NWD2: variants seen among roughly 807,000 people sequenced by gnomAD.
NWD2 encodes NACHT and WD repeat domain-containing protein 2.
Under a neutral mutation model 132.7 loss-of-function variants are expected in NWD2, and 37 were observed. The observed-to-expected ratio is 0.28, with a 90% CI of 0.21 to 0.37. NWD2 has a LOEUF of 0.37. NWD2 is among the 10% of genes least tolerant of loss of function. NWD2 has a pLI of 1.00. For missense variants in NWD2, 1,592 were observed against 2,122.4 expected, an observed-to-expected ratio of 0.75 and a Z score of 4.91; for synonymous variants, 705 against 803.0, an observed-to-expected ratio of 0.88 and a Z score of 2.06.
At chr4:37,383,205 T>C (rs978206457) in intron 3 of NWD2, among the ~76,000 whole-genome samples, 5 of 152,196 alleles carry the variant, frequency 3.3e-5, no homozygotes, top group South Asian at 2.1e-4. Flanking sequence ...CTTAACTTGG[T>C]TTCTTCCCTT....
intron 1 of NWD2, among the ~76,000 whole-genome samples, chr4:37,292,714 T>C (rs28699266): frequency 0.29 from 44,525 of 151,994 alleles, 6,971 homozygotes; most frequent in South Asian, 0.43. Context: ...TTTCCATGGA[T>C]CAGGGAGTGG....
rs753543768 is a variant in NWD2 at position 37,271,320 on chromosome 4, AT to A, written c.151+26105del. ...GGGATTCCATTAAATCTGAAGTTGA[AT>A]TTAAGAATGGTTGATATCCAAATAA... On this transcript the variant is annotated intron_variant, in intron 1 of 6. Transcript: ENST00000309447. 9.2e-4 allele frequency among the ~76,000 whole-genome samples: 140 copies of A among 151,986 alleles called. 1 individual carries two copies. The highest frequency in any genetic ancestry group is 2.8e-3 in the African/African-American group (117 of 41,540).
intron 1 of NWD2, among the ~76,000 whole-genome samples, chr4:37,316,441 A>C (rs560244304): frequency 1.3e-5 from 2 of 152,098 alleles, no homozygotes; most frequent in South Asian, 4.1e-4. Flanking sequence ...CAGTTTGACT[A>C]TATGTGTCTA....
intron 1 of NWD2, among the ~76,000 whole-genome samples, chr4:37,285,398 C>G (rs551068169): frequency 6.6e-6 from 1 of 152,024 alleles, no homozygotes; most frequent in Admixed American, 6.5e-5. Context: ...GAAATTTTCT[C>G]CCGTATATTA....
Position 37,447,256 on chromosome 4 carries a change from G to T in NWD2, c.*39G>T. 7.0e-7 allele frequency: 1 copy of T among 1,438,254 alleles called. No homozygotes were observed. Among genetic ancestry groups the T allele is most frequent in the Non-Finnish European group, 9.4e-7 (1 of 1,068,342 alleles). The allele number at this position is 1,438,254 out of a possible 1,614,324, so 89.1% of individuals were successfully genotyped here. On this transcript the variant is annotated 3_prime_UTR_variant, in exon 7 of 7. Transcript: ENST00000309447. ...AGCTAAGCAGAAATATGTGATCCAC[G>T]TACAGAAGGGAAAAAAATGTGCCCC...
At chr4:37,259,051 C>A (rs1717578947) in intron 1 of NWD2, among the ~76,000 whole-genome samples, 1 of 152,128 alleles carries the variant, frequency 6.6e-6, no homozygotes, top group South Asian at 2.1e-4. Context: ...CCTGCACCTG[C>A]AAGGGGGATG....
Position 37,290,686 on chromosome 4 carries a change from G to A in NWD2, c.152-35250G>A, listed in dbSNP as rs186638975. Among the ~76,000 whole-genome samples the A allele has an allele frequency of 8.9e-4, 135 of 152,306 alleles. 1 individual carries two copies. Among genetic ancestry groups the A allele is most frequent in the African/African-American group, 2.7e-3 (113 of 41,576 alleles). ...CATGTTGGAAAAATGGAAATGGAACGTAGATAACAAAGAGGGATGCAGTAA... is the reference window on the plus strand; with the variant it reads ...CATGTTGGAAAAATGGAAATGGAACATAGATAACAAAGAGGGATGCAGTAA... On this transcript the variant is annotated intron_variant, in intron 1 of 6. Coordinates refer to ENST00000309447, the MANE Select transcript of NWD2 (RefSeq NM_001144990.2).
rs149870585 is a variant in NWD2, at chr4:37,328,516, T to A, written c.240+2492T>A. ...GGTGTTTGGTTTTCTGTTCCTGTGT[T>A]AGTTTGCTGAGAATGATGGTTTCCA... On this transcript the variant is annotated intron_variant, in intron 2 of 6. Coordinates refer to ENST00000309447, the MANE Select transcript of NWD2 (RefSeq NM_001144990.2). Among the ~76,000 whole-genome samples the A allele has an allele frequency of 3.5e-3, 540 of 152,244 alleles. 5 individuals are homozygous for A. Among genetic ancestry groups the A allele is most frequent in the African/African-American group, 0.012 (513 of 41,548 alleles).
At chr4:37,363,137 T>C (rs1197232564) in intron 3 of NWD2, among the ~76,000 whole-genome samples, 1 of 152,144 alleles carries the variant, frequency 6.6e-6, no homozygotes, top group Admixed American at 6.5e-5. Flanking sequence ...ATGACTATTA[T>C]TGAAAACTCA....
chr4:37,275,727 C>T (rs1717997050), intron 1 of NWD2, among the ~76,000 whole-genome samples: 1 of 152,006 alleles, frequency 6.6e-6, no homozygotes. Context: ...ACCAAAACAG[C>T]ATGGTACTGG....
chr4:37,359,422 G>A (rs1202459918), intron 3 of NWD2, among the ~76,000 whole-genome samples: 2 of 151,998 alleles, frequency 1.3e-5, no homozygotes, highest in African/African-American at 4.8e-5. Flanking sequence ...GGCCTTTCCT[G>A]TTGTAACTAC....
At chr4:37,288,153 C>T (rs765315266) in intron 1 of NWD2, among the ~76,000 whole-genome samples, 4 of 152,094 alleles carry the variant, frequency 2.6e-5, no homozygotes, top group Non-Finnish European at 4.4e-5. Context: ...CACACCAGGG[C>T]CTCTTAGGGG....
chr4:37,428,017 G>C (rs923791967), intron 3 of NWD2, among the ~76,000 whole-genome samples: 1 of 152,148 alleles, frequency 6.6e-6, no homozygotes, highest in African/African-American at 2.4e-5. Context: ...TCTCTGTCTT[G>C]GTTCATTCAT....
chr4:37,273,650 A>T (rs1353406884), intron 1 of NWD2, among the ~76,000 whole-genome samples: 1 of 152,150 alleles, frequency 6.6e-6, no homozygotes, highest in Non-Finnish European at 1.5e-5. Flanking sequence ...ACCACATCGC[A>T]CTTATTCCAA....
At chr4:37,306,804 C>G (rs1718717089) in intron 1 of NWD2, among the ~76,000 whole-genome samples, 1 of 152,132 alleles carries the variant, frequency 6.6e-6, no homozygotes, top group Non-Finnish European at 1.5e-5. Context: ...AGGCGGATCA[C>G]ACGGTCAGGA....
intron 1 of NWD2, among the ~76,000 whole-genome samples, chr4:37,296,296 G>A (rs1718487391): frequency 6.6e-6 from 1 of 152,132 alleles, no homozygotes; most frequent in Non-Finnish European, 1.5e-5. Context: ...CAATGTTAAT[G>A]AATCAACAAT....
chr4:37,420,893 C>G (rs1577697939), intron 3 of NWD2, among the ~76,000 whole-genome samples: 1 of 152,112 alleles, frequency 6.6e-6, no homozygotes, highest in East Asian at 1.9e-4. Flanking sequence ...TTGAATGAAT[C>G]CTTGATAACT....
At chr4:37,367,750 T>C (rs1720131199) in intron 3 of NWD2, among the ~76,000 whole-genome samples, 1 of 152,204 alleles carries the variant, frequency 6.6e-6, no homozygotes, top group South Asian at 2.1e-4. Flanking sequence ...ACGTTTCCTC[T>C]TTTTCTCATA....
chr4:37,412,794 T>C (rs1361774412), intron 3 of NWD2, among the ~76,000 whole-genome samples: 1 of 152,098 alleles, frequency 6.6e-6, no homozygotes, highest in Non-Finnish European at 1.5e-5. Context: ...TATAGACCAA[T>C]AGAACAGAAC....
Sources: gnomAD v4.1 joint callset for allele counts (sites outside exome capture counted in the v4.1 genomes callset) on GRCh38, gnomAD v4.1.1 for gene constraint, MANE v1.5 for transcripts, NCBI Gene and HGNC (gene_info 2026-07-23, HGNC 2026-07-21) for gene names.